The following RGS3 variants were observed in gnomAD, a reference collection of about 807,000 sequenced individuals.
RGS3 encodes the protein regulator of G-protein signalling 3.
A neutral mutation model predicts 132.6 loss-of-function variants in RGS3; 80 were observed. That is an observed-to-expected ratio of 0.60 (90% CI 0.50 to 0.73). RGS3 has a LOEUF of 0.73. Ranked by LOEUF, RGS3 falls within the 30% of genes least tolerant of loss-of-function variation. The pLI, the probability that RGS3 is intolerant of heterozygous loss-of-function variation, is 0.00. For synonymous variants in RGS3, 598 were observed against 620.6 expected (o/e 0.96, Z 0.54); for missense variants, 1,382 against 1,530.8 (o/e 0.90, Z 1.62).
exon 3 of RGS3, chr9:113,462,054 A>G: frequency 6.2e-7 from 1 of 1,614,000 alleles, no homozygotes. Context: ...TGTCCTCTCT[A>G]CATCCTGTGG....
At chr9:113,489,950 G>A (rs1183594634) in intron 7 of RGS3, among the ~76,000 whole-genome samples, 1 of 152,210 alleles carries the variant, frequency 6.6e-6, no homozygotes, top group Non-Finnish European at 1.5e-5. Context: ...GGATGGCTGT[G>A]AACTTGTGTT....
chr9:113,479,660 T>A, intron 4 of RGS3, 119 bp downstream of exon 2: 1 of 879,048 alleles, frequency 1.1e-6, no homozygotes. Context: ...CATCCTTGTA[T>A]AAAGGATGTG....
intron 17 of RGS3, among the ~76,000 whole-genome samples, chr9:113,524,854 C>T (rs1042496522): frequency 7.2e-5 from 11 of 152,330 alleles, no homozygotes; most frequent in Admixed American, 4.6e-4. Context: ...CTTCTGGAGG[C>T]CCCAGGCCCC....
At chr9:113,550,651 G>T (rs974113541) in intron 19 of RGS3, among the ~76,000 whole-genome samples, 1 of 152,128 alleles carries the variant, frequency 6.6e-6, no homozygotes. Flanking sequence ...ATAAGAAAAT[G>T]TTTATTCCTC....
upstream of RGS3, among the ~76,000 whole-genome samples, chr9:113,457,976 TATAG>T (rs1361783074): frequency 6.6e-6 from 1 of 152,234 alleles, no homozygotes; most frequent in African/African-American, 2.4e-5. Context: ...AACAGGAAAC[TATAG>T]ACAAAAGGTC....
chr9:113,452,989 A>T (rs1274189375), intron 1 of RGS3, among the ~76,000 whole-genome samples: 3 of 134,336 alleles, frequency 2.2e-5, no homozygotes, highest in African/African-American at 8.3e-5. Flanking sequence ...CATAATATAT[A>T]ATATATAAAT....
At chr9:113,459,519 G>C (rs1391612268), upstream of RGS3, among the ~76,000 whole-genome samples, 1 of 152,164 alleles carries the variant, frequency 6.6e-6, no homozygotes, top group African/African-American at 2.4e-5. Flanking sequence ...GGAGGCCAAG[G>C]TGTACGGTTC....
At chr9:113,536,649 A>C in intron 18 of RGS3, 147 bp from the exon 17 acceptor site, 2 of 1,481,336 alleles carry the variant, frequency 1.4e-6, no homozygotes, top group Non-Finnish European at 1.8e-6. Flanking sequence ...GTCACTGGGG[A>C]TTAGTGTGCA....
chr9:113,592,380 T>C (rs1835482991), intron 21 of RGS3: 1 of 152,256 alleles, frequency 6.6e-6, no homozygotes, highest in African/African-American at 2.4e-5. Flanking sequence ...GTGCTGGAAG[T>C]GGGAGGTGTA....
chr9:113,531,562 G>A lies in RGS3; in HGVS notation c.1914+2298G>A, dbSNP rs1473529148. Among the ~76,000 whole-genome samples the A allele has an allele frequency of 4.6e-5, 7 of 152,222 alleles. No homozygotes were observed. The South Asian group carries it at 1.0e-3, about 23-fold the overall frequency. ...GTTATTGTCAGTTTCAAAACAAGGGGAAGGGCTCTTCATATTCATTTACTC... is the reference window on the plus strand; with the variant it reads ...GTTATTGTCAGTTTCAAAACAAGGGAAAGGGCTCTTCATATTCATTTACTC... On this transcript the variant is annotated intron_variant, in intron 18 of 24. Transcript: ENST00000350696.
chr9:113,445,926 A>G (rs1829089484), intron 1 of RGS3, among the ~76,000 whole-genome samples: 1 of 152,084 alleles, frequency 6.6e-6, no homozygotes, highest in African/African-American at 2.4e-5. Flanking sequence ...TAATCCGCCC[A>G]CCTTGAGCTC....
At chr9:113,533,337 T>G (rs1348883529) in intron 18 of RGS3, among the ~76,000 whole-genome samples, 2 of 151,954 alleles carry the variant, frequency 1.3e-5, no homozygotes, top group Admixed American at 1.3e-4. Flanking sequence ...TTCAAGCGAT[T>G]CTCCTGCCCC....
At chr9:113,596,724 TC>T in intron 24 of RGS3, 43 bp from the exon 23 acceptor site, 1 of 1,542,238 alleles carries the variant, frequency 6.5e-7, no homozygotes. Context: ...CTAGGGTCAG[TC>T]CCCAGCAGGC....
intron 7 of RGS3, among the ~76,000 whole-genome samples, chr9:113,487,950 G>A (rs1830390466): frequency 6.6e-6 from 1 of 152,186 alleles, no homozygotes; most frequent in Non-Finnish European, 1.5e-5. Context: ...ATTTAAACAT[G>A]TTTGCAGGGT....
chr9:113,578,002 T>A (rs1246998385), intron 19 of RGS3, among the ~76,000 whole-genome samples: 1 of 152,272 alleles, frequency 6.6e-6, no homozygotes, highest in Non-Finnish European at 1.5e-5. Flanking sequence ...CCATGAGGAT[T>A]TGTTGAATAC....
chr9:113,456,791 C>A (rs1212989540), upstream of RGS3, among the ~76,000 whole-genome samples: 2 of 151,918 alleles, frequency 1.3e-5, no homozygotes, highest in African/African-American at 4.8e-5. Context: ...AATATGCAGC[C>A]CTATATGATT....
chr9:113,572,150 A>T (rs1834318921), intron 19 of RGS3, among the ~76,000 whole-genome samples: 1 of 151,990 alleles, frequency 6.6e-6, no homozygotes, highest in Non-Finnish European at 1.5e-5. Context: ...AAAGAGGAGA[A>T]ACGGTGTGGT....
chr9:113,572,017 T>G (rs943196425), intron 19 of RGS3, among the ~76,000 whole-genome samples: 2 of 152,134 alleles, frequency 1.3e-5, no homozygotes, highest in Non-Finnish European at 2.9e-5. Context: ...ACTTGAATTT[T>G]GAAGAATGAG....
At chr9:113,583,847 C>T (rs759176770) in exon 20 of RGS3, 1 of 1,614,000 alleles carries the variant, frequency 6.2e-7, no homozygotes, top group East Asian at 2.2e-5. Flanking sequence ...CGGGACCTTC[C>T]ACCCTGTCAA....
Sources: gnomAD v4.1 joint callset for allele counts (sites outside exome capture counted in the v4.1 genomes callset) on GRCh38, gnomAD v4.1.1 for gene constraint, MANE v1.5 for transcripts, NCBI Gene and HGNC (gene_info 2026-07-23, HGNC 2026-07-21) for gene names.